The following RBFOX1 variants were observed in gnomAD, a reference collection of about 807,000 sequenced individuals.
RBFOX1 encodes the protein RNA binding protein fox-1 homolog 1.
Under a neutral mutation model 57.7 loss-of-function variants are expected in RBFOX1, and 8 were observed. The observed-to-expected ratio is 0.14, with a 90% CI of 0.08 to 0.25. The LOEUF is 0.25. Among genes scored for constraint, RBFOX1 ranks in the 10% least tolerant of loss-of-function variants. The pLI, the probability that RBFOX1 is intolerant of heterozygous loss-of-function variation, is 1.00. For missense variants in RBFOX1, 611 were observed against 548.5 expected (o/e 1.11, Z -1.14); for synonymous variants, 326 against 222.4 (o/e 1.47, Z -4.15).
At position 6,831,737 on chromosome 16, in the gene RBFOX1, C is replaced by G. The variant is rs544537421; in HGVS notation, c.-16+177087C>G. Among the ~76,000 whole-genome samples the G allele has an allele frequency of 1.1e-4, 16 of 152,192 alleles. No individual in the cohort carries two copies. In the South Asian group the frequency reaches 3.3e-3, roughly 32 times the overall value. On this transcript the variant is annotated intron_variant, in intron 3 of 15. Transcript: ENST00000550418. The stretch of plus-strand genomic sequence containing the variant: ...CTCCATCTCTTGGGTTTGAGAAGAG[C>G]TGGATCTTTGGGCAATTATTTATTC...
At chr16:6,049,004 G>T (rs2095523441) in intron 1 of RBFOX1, among the ~76,000 whole-genome samples, 2 of 145,648 alleles carry the variant, frequency 1.4e-5, no homozygotes, top group Non-Finnish European at 3.0e-5. Flanking sequence ...TCATTTTGAT[G>T]ATCATCCTTG....
intron 4 of RBFOX1, among the ~76,000 whole-genome samples, chr16:5,882,414 G>C (rs1472840938): frequency 6.6e-6 from 1 of 152,104 alleles, no homozygotes; most frequent in East Asian, 1.9e-4. Flanking sequence ...CATTACTTTT[G>C]CCCCCCTCCC....
At chr16:5,779,514 T>G (rs968255622) in intron 3 of RBFOX1, among the ~76,000 whole-genome samples, 1 of 152,184 alleles carries the variant, frequency 6.6e-6, no homozygotes, top group African/African-American at 2.4e-5. Context: ...AAGCTCTGTT[T>G]TATTGAAACT....
chr16:6,573,549 C>A (rs1428990241), intron 2 of RBFOX1, among the ~76,000 whole-genome samples: 1 of 152,158 alleles, frequency 6.6e-6, no homozygotes, highest in Non-Finnish European at 1.5e-5. Flanking sequence ...CTGCATCTCC[C>A]CATCCATCTT....
intron 3 of RBFOX1, among the ~76,000 whole-genome samples, chr16:6,922,624 G>C (rs1047899249): frequency 1.3e-5 from 2 of 152,136 alleles, no homozygotes; most frequent in Non-Finnish European, 2.9e-5. Flanking sequence ...GCTGACTGTT[G>C]AATGTGAAAT....
chr16:5,769,887 A>G (rs117727430), intron 3 of RBFOX1, among the ~76,000 whole-genome samples: 2 of 152,116 alleles, frequency 1.3e-5, no homozygotes, highest in Non-Finnish European at 2.9e-5. Context: ...TGTCATGACA[A>G]CCGTAGGAAA....
Position 6,894,964 on chromosome 16 carries a change from A to G in RBFOX1, c.-15-157093A>G, listed in dbSNP as rs936961594. On this transcript the variant is annotated intron_variant, in intron 3 of 15. Transcript: ENST00000550418. ...TTTCTATCTAGAATTTGCAACATACACCCTTCCAGAACTAACAGAGACTCT... is the reference window on the plus strand; with the variant it reads ...TTTCTATCTAGAATTTGCAACATACGCCCTTCCAGAACTAACAGAGACTCT... 5.3e-5 allele frequency among the ~76,000 whole-genome samples: 8 copies of G among 152,240 alleles called. No homozygotes were observed. In the East Asian group the frequency reaches 1.4e-3, roughly 26 times the overall value.
intron 2 of RBFOX1, among the ~76,000 whole-genome samples, chr16:6,435,648 C>G (rs1480086073): frequency 6.6e-6 from 1 of 152,166 alleles, no homozygotes; most frequent in Non-Finnish European, 1.5e-5. Flanking sequence ...GATTTATAGA[C>G]ACTGGGGCAT....
intron 3 of RBFOX1, among the ~76,000 whole-genome samples, chr16:5,749,316 C>G (rs1019479192): frequency 3.3e-5 from 5 of 152,170 alleles, no homozygotes; most frequent in South Asian, 2.1e-4. Flanking sequence ...TTCATTTCAA[C>G]TTCGGTGAAT....
At chr16:6,619,687 C>CTTTTTTTTTTTTTTT (rs34849467) in intron 2 of RBFOX1, among the ~76,000 whole-genome samples, 1 of 117,948 alleles carries the variant, frequency 8.5e-6, no homozygotes, top group African/African-American at 3.2e-5. Context: ...TGTTGGTTTC[C>CTTTTTTTTTTTTTTT]TTTTTTTTTT....
At chr16:6,817,365 C>G (rs530020706) in intron 3 of RBFOX1, among the ~76,000 whole-genome samples, 1 of 152,120 alleles carries the variant, frequency 6.6e-6, no homozygotes, top group South Asian at 2.1e-4. Context: ...TGTCACCCTT[C>G]TTTAGTGTCT....
chr16:7,167,388 G>C (rs1320480094), intron 4 of RBFOX1, among the ~76,000 whole-genome samples: 1 of 151,956 alleles, frequency 6.6e-6, no homozygotes, highest in Non-Finnish European at 1.5e-5. Flanking sequence ...TTCAATAAGA[G>C]AAATGGAGGG....
intron 4 of RBFOX1, among the ~76,000 whole-genome samples, chr16:7,348,784 A>G (rs2097069397): frequency 6.6e-6 from 1 of 152,106 alleles, no homozygotes; most frequent in Non-Finnish European, 1.5e-5. Context: ...TCTACTAAAA[A>G]TGCCAAAATT....
chr16:6,972,176 T>A (rs1370975457), intron 3 of RBFOX1, among the ~76,000 whole-genome samples: 1 of 151,454 alleles, frequency 6.6e-6, no homozygotes, highest in African/African-American at 2.4e-5. Context: ...ATTCACGTTG[T>A]TGTGATAGAG....
In RBFOX1 at chr16:7,020,952, T is replaced by C. The variant is rs903641063; in HGVS notation, c.-15-31105T>C. On this transcript the variant is annotated intron_variant, in intron 3 of 15. Coordinates refer to ENST00000550418, the MANE Select transcript of RBFOX1 (RefSeq NM_018723.4). Reference sequence around the variant, plus strand: ...GACCAGCATGGCCAACATGGTGAAATCCTGTCTCTACTTAAAAATACAAAA... The same window carrying C: ...GACCAGCATGGCCAACATGGTGAAACCCTGTCTCTACTTAAAAATACAAAA... 3.3e-5 allele frequency among the ~76,000 whole-genome samples: 5 copies of C among 152,014 alleles called. No individual in the cohort carries two copies. In the East Asian group the frequency reaches 9.7e-4, roughly 29 times the overall value.
intron 3 of RBFOX1, among the ~76,000 whole-genome samples, chr16:6,656,091 T>C (rs2098649151): frequency 6.6e-6 from 1 of 152,174 alleles, no homozygotes; most frequent in African/African-American, 2.4e-5. Flanking sequence ...GTTTGCATGC[T>C]GGTATATGCA....
intron 4 of RBFOX1, among the ~76,000 whole-genome samples, chr16:7,290,464 G>A (rs929222902): frequency 6.6e-6 from 1 of 152,162 alleles, no homozygotes; most frequent in East Asian, 1.9e-4. Flanking sequence ...GTTGAGCACT[G>A]TATCTCCAAG....
chr16:6,696,866 T>C (rs1301624149), intron 3 of RBFOX1, among the ~76,000 whole-genome samples: 2 of 152,230 alleles, frequency 1.3e-5, no homozygotes, highest in Non-Finnish European at 2.9e-5. Flanking sequence ...AAATAGTATT[T>C]TGTCTTACTA....
intron 4 of RBFOX1, among the ~76,000 whole-genome samples, chr16:5,898,583 C>T (rs1345074719): frequency 6.6e-6 from 1 of 151,064 alleles, no homozygotes. Context: ...CTACAATGAG[C>T]ATAGATTCTA....
Sources: gnomAD v4.1 joint callset for allele counts (sites outside exome capture counted in the v4.1 genomes callset) on GRCh38, gnomAD v4.1.1 for gene constraint, MANE v1.5 for transcripts, NCBI Gene and HGNC (gene_info 2026-07-23, HGNC 2026-07-21) for gene names.